The following NAALADL2 variants were observed in gnomAD, a reference collection of about 807,000 sequenced individuals.
NAALADL2 encodes the protein inactive N-acetylated-alpha-linked acidic dipeptidase-like protein 2.
NAALADL2 carries 76 observed loss-of-function variants against 87.2 expected under a neutral mutation model. The ratio of observed to expected loss-of-function variants is 0.87; its 90% CI spans 0.72 to 1.05. The LOEUF (loss-of-function observed/expected upper bound fraction) is 1.05. Ranked by LOEUF, NAALADL2 falls within the 50% of genes least tolerant of loss-of-function variation. The pLI, the probability that NAALADL2 is intolerant of heterozygous loss-of-function variation, is 0.00. For missense variants in NAALADL2, 1,089 were observed against 945.8 expected, an observed-to-expected ratio of 1.15 and a Z score of -1.99; for synonymous variants, 354 against 331.0, an observed-to-expected ratio of 1.07 and a Z score of -0.75.
intron 5 of NAALADL2, among the ~76,000 whole-genome samples, chr3:175,440,936 A>G (rs914638474): frequency 6.6e-6 from 1 of 152,070 alleles, no homozygotes; most frequent in East Asian, 1.9e-4. Flanking sequence ...CAAATTTGTT[A>G]TTTAGAAATA....
chr3:174,526,371 A>G (rs959522574), intron 1 of NAALADL2, among the ~76,000 whole-genome samples: 8 of 152,202 alleles, frequency 5.3e-5, no homozygotes, highest in Admixed American at 3.9e-4. Context: ...TGACTTTGGC[A>G]TGCTTTACAA....
At chr3:175,142,518 T>G (rs925101110) in intron 2 of NAALADL2, among the ~76,000 whole-genome samples, 3 of 152,176 alleles carry the variant, frequency 2.0e-5, no homozygotes, top group Middle Eastern at 3.4e-3. Context: ...AGTAATTTGC[T>G]TGAAGCTCCT....
chr3:174,815,835 T>G (rs1220708304), intron 3 of NAALADL2, among the ~76,000 whole-genome samples: 1 of 101,528 alleles, frequency 9.8e-6, no homozygotes. Flanking sequence ...CTTTAGTTTT[T>G]TTTTTTTTTT....
intron 3 of NAALADL2, among the ~76,000 whole-genome samples, chr3:174,825,224 G>A (rs544671590): frequency 1.3e-5 from 2 of 152,222 alleles, no homozygotes; most frequent in Non-Finnish European, 2.9e-5. Flanking sequence ...ACTCAAGAAG[G>A]CTGGCAGTAT....
At chr3:174,995,381 A>G (rs1000667025) in intron 1 of NAALADL2, among the ~76,000 whole-genome samples, 2 of 152,202 alleles carry the variant, frequency 1.3e-5, no homozygotes, top group Non-Finnish European at 2.9e-5. Context: ...TAAAACTTAT[A>G]GCACAAAAAT....
rs553540262 is a variant in NAALADL2, at chr3:175,058,689, C to G, written c.44-38101C>G. Among the ~76,000 whole-genome samples the G allele has an allele frequency of 8.4e-4, 128 of 152,176 alleles. 1 individual carries two copies. Among genetic ancestry groups the G allele is most frequent in the African/African-American group, 2.7e-3 (114 of 41,510 alleles). ...GGAGCAAGACATCTGTATGAAAGCT[C>G]GTAAGCTCATTTTTAGAAAAGAGGT... On this transcript the variant is annotated intron_variant, in intron 1 of 13. Transcript: ENST00000454872.
At chr3:174,605,674 G>T (rs1413493504) in intron 2 of NAALADL2, among the ~76,000 whole-genome samples, 5 of 152,164 alleles carry the variant, frequency 3.3e-5, no homozygotes, top group Non-Finnish European at 5.9e-5. Flanking sequence ...AGCTCGAACT[G>T]GGTGGAGCCC....
At chr3:175,517,232 G>T (rs2149408014) in intron 9 of NAALADL2, among the ~76,000 whole-genome samples, 1 of 152,184 alleles carries the variant, frequency 6.6e-6, no homozygotes, top group African/African-American at 2.4e-5. Context: ...TTATCAGTAG[G>T]TGGACAAACA....
intron 11 of NAALADL2, among the ~76,000 whole-genome samples, chr3:175,629,752 C>G (rs1397786548): frequency 6.6e-6 from 1 of 151,678 alleles, no homozygotes; most frequent in Admixed American, 6.6e-5. Flanking sequence ...TGTCGGGAAG[C>G]AAGAATTGGT....
At chr3:175,734,763 G>A (rs1263658911) in intron 11 of NAALADL2, among the ~76,000 whole-genome samples, 1 of 152,162 alleles carries the variant, frequency 6.6e-6, no homozygotes, top group East Asian at 1.9e-4. Context: ...ACTGCACACA[G>A]CAGAGGGACC....
chr3:174,572,853 G>T (rs969371865), intron 2 of NAALADL2, among the ~76,000 whole-genome samples: 9 of 152,132 alleles, frequency 5.9e-5, no homozygotes. Context: ...GGAATGCAAG[G>T]AACTTTTCTG....
intron 4 of NAALADL2, among the ~76,000 whole-genome samples, chr3:175,260,043 CTG>C (rs1750747095): frequency 3.3e-5 from 5 of 152,068 alleles, no homozygotes; most frequent in Admixed American, 2.0e-4. Flanking sequence ...AAAATTCTAA[CTG>C]TGCTCAGAGG....
chr3:175,155,880 C>G (rs2108808202), intron 2 of NAALADL2, among the ~76,000 whole-genome samples: 2 of 152,076 alleles, frequency 1.3e-5, no homozygotes, highest in Middle Eastern at 3.4e-3. Context: ...TAATGTCCAT[C>G]CAAGTTTGAG....
intron 1 of NAALADL2, among the ~76,000 whole-genome samples, chr3:174,515,713 C>T (rs1379020049): frequency 6.7e-6 from 1 of 150,134 alleles, no homozygotes; most frequent in Non-Finnish European, 1.5e-5. Flanking sequence ...CCCTTAAAGG[C>T]TGAGTAAAGT....
chr3:174,733,782 G>A (rs1484201264), intron 2 of NAALADL2, among the ~76,000 whole-genome samples: 2 of 152,178 alleles, frequency 1.3e-5, no homozygotes, highest in African/African-American at 4.8e-5. Flanking sequence ...CTAAAATTAG[G>A]GGTTTATGTA....
intron 11 of NAALADL2, among the ~76,000 whole-genome samples, chr3:175,633,383 TAATA>T (rs1422292906): frequency 6.6e-6 from 1 of 152,086 alleles, no homozygotes; most frequent in Non-Finnish European, 1.5e-5. Flanking sequence ...ATTTTGTCCC[TAATA>T]AATACTCAAT....
intron 2 of NAALADL2, among the ~76,000 whole-genome samples, chr3:175,188,671 G>A (rs1737697648): frequency 6.6e-6 from 1 of 152,078 alleles, no homozygotes; most frequent in Admixed American, 6.6e-5. Context: ...CCAGGAAGTG[G>A]GGTCAACACT....
intron 11 of NAALADL2, among the ~76,000 whole-genome samples, chr3:175,697,113 G>C (rs1404952044): frequency 6.6e-6 from 1 of 152,052 alleles, no homozygotes; most frequent in Non-Finnish European, 1.5e-5. Context: ...TTTTGGATAT[G>C]TCAATCAATC....
chr3:174,965,336 G>C (rs9845780), intron 1 of NAALADL2, among the ~76,000 whole-genome samples: 1 of 151,914 alleles, frequency 6.6e-6, no homozygotes, highest in East Asian at 1.9e-4. Context: ...TGATGCTTTT[G>C]ATGACTTATT....
Sources: gnomAD v4.1 joint callset for allele counts (sites outside exome capture counted in the v4.1 genomes callset) on GRCh38, gnomAD v4.1.1 for gene constraint, MANE v1.5 for transcripts, NCBI Gene and HGNC (gene_info 2026-07-23, HGNC 2026-07-21) for gene names.